The following TENM3 variants were observed in gnomAD, a reference collection of about 807,000 sequenced individuals.
TENM3 encodes teneurin-3.
Under a neutral mutation model 255.1 loss-of-function variants are expected in TENM3, and 63 were observed. That is an observed-to-expected ratio of 0.25 (90% CI 0.20 to 0.30). The LOEUF (loss-of-function observed/expected upper bound fraction) is 0.30. TENM3 is among the 10% of genes least tolerant of loss of function. The pLI is 1.00. For missense variants in TENM3, 2,929 were observed against 3,461.1 expected (o/e 0.85, Z 3.86); for synonymous variants, 1,306 against 1,322.3 (o/e 0.99, Z 0.27).
At chr4:182,247,767 G>T (rs1171072857) in intron 1 of TENM3, among the ~76,000 whole-genome samples, 1 of 152,140 alleles carries the variant, frequency 6.6e-6, no homozygotes, top group African/African-American at 2.4e-5. Context: ...ATAATTCTGT[G>T]ATATGAGTAA....
At chr4:182,422,331 A>G (rs1770897450) in intron 3 of TENM3, among the ~76,000 whole-genome samples, 1 of 152,214 alleles carries the variant, frequency 6.6e-6, no homozygotes, top group African/African-American at 2.4e-5. Flanking sequence ...AAGCAAACAC[A>G]TTAGCTCGGT....
chr4:181,650,108 A>G, the TENM3 span, among the ~76,000 whole-genome samples: 3 of 152,178 alleles, frequency 2.0e-5, no homozygotes, highest in African/African-American at 7.2e-5. Context: ...GGAAAGGAAC[A>G]CCTGTCACTC....
the TENM3 span, among the ~76,000 whole-genome samples, chr4:182,086,903 G>A: frequency 6.6e-6 from 1 of 152,176 alleles, no homozygotes; most frequent in African/African-American, 2.4e-5. Context: ...ATCGCTCACT[G>A]AGTATTTTTT....
intron 3 of TENM3, among the ~76,000 whole-genome samples, chr4:182,389,878 G>T (rs1038725915): frequency 1.3e-5 from 2 of 151,942 alleles, no homozygotes; most frequent in African/African-American, 4.8e-5. Context: ...GTAGAGACAG[G>T]GTTTCACCAT....
chr4:182,686,817 G>T (rs1756613127), intron 11 of TENM3, among the ~76,000 whole-genome samples: 1 of 152,098 alleles, frequency 6.6e-6, no homozygotes, highest in African/African-American at 2.4e-5. Context: ...AATAAAAAGG[G>T]TACCTCAGAA....
chr4:181,529,466 G>T, the TENM3 span, among the ~76,000 whole-genome samples: 1 of 152,310 alleles, frequency 6.6e-6, no homozygotes, highest in African/African-American at 2.4e-5. Context: ...AAGGGAAATA[G>T]ATGTGGGTAA....
At chr4:182,435,061 G>A (rs1342455734) in intron 3 of TENM3, among the ~76,000 whole-genome samples, 1 of 152,196 alleles carries the variant, frequency 6.6e-6, no homozygotes, top group Non-Finnish European at 1.5e-5. Flanking sequence ...ATCCCAAGAA[G>A]AATCTGATGC....
chr4:181,992,913 TCCATACTTCTA>T, the TENM3 span, among the ~76,000 whole-genome samples: 2 of 152,124 alleles, frequency 1.3e-5, no homozygotes, highest in Non-Finnish European at 2.9e-5. Context: ...GCTCTACAAT[TCCATACTTCTA>T]CCATGAAGCT....
intron 3 of TENM3, among the ~76,000 whole-genome samples, chr4:182,361,446 C>T (rs1029353734): frequency 2.0e-5 from 3 of 152,050 alleles, no homozygotes; most frequent in Admixed American, 6.5e-5. Context: ...TCTAAACTTC[C>T]CTTCTTGCTT....
At chr4:182,185,112 T>C (rs1206221288) in intron 1 of TENM3, among the ~76,000 whole-genome samples, 1 of 152,122 alleles carries the variant, frequency 6.6e-6, no homozygotes, top group Non-Finnish European at 1.5e-5. Context: ...TTCAGACTTT[T>C]GGAAGGAGGA....
the TENM3 span, among the ~76,000 whole-genome samples, chr4:181,594,518 C>A: frequency 6.6e-6 from 1 of 152,236 alleles, no homozygotes; most frequent in South Asian, 2.1e-4. Flanking sequence ...CATTGGTCAC[C>A]CATTCCAAGA....
the TENM3 span, among the ~76,000 whole-genome samples, chr4:181,561,998 G>T: frequency 6.6e-6 from 1 of 152,106 alleles, no homozygotes; most frequent in African/African-American, 2.4e-5. Flanking sequence ...TTCATATCAG[G>T]TTTTAATTTT....
the TENM3 span, among the ~76,000 whole-genome samples, chr4:181,864,568 G>A: frequency 1.3e-5 from 2 of 152,128 alleles, no homozygotes; most frequent in Non-Finnish European, 2.9e-5. Flanking sequence ...GTTAGACCAC[G>A]AACTGGGAAA....
chr4:181,782,785 G>T, the TENM3 span, among the ~76,000 whole-genome samples: 27 of 152,262 alleles, frequency 1.8e-4, no homozygotes, highest in Middle Eastern at 3.4e-3. Flanking sequence ...TCAACACACT[G>T]CTTTAAATGT....
the TENM3 span, among the ~76,000 whole-genome samples, chr4:182,070,489 C>T: frequency 5.9e-5 from 9 of 152,048 alleles, no homozygotes; most frequent in African/African-American, 1.7e-4. Context: ...TAGCGGCACA[C>T]GCCTATAATC....
chr4:182,704,664 T>TG (rs1758135559), intron 12 of TENM3, among the ~76,000 whole-genome samples: 1 of 152,178 alleles, frequency 6.6e-6, no homozygotes, highest in Non-Finnish European at 1.5e-5. Context: ...AATGTAGTTA[T>TG]TCAGATAATT....
rs1477672676 is a variant in TENM3 at position 182,346,064 on chromosome 4, CATAT to C, written c.233-583_233-580del. 7.4e-5 allele frequency among the ~76,000 whole-genome samples: 10 copies of C among 135,344 alleles called. 1 individual carries two copies. Among genetic ancestry groups the C allele is most frequent in the Admixed American group, 5.9e-4 (8 of 13,660 alleles). The allele number at this position is 135,344 out of a possible 152,430, so 88.8% of individuals were successfully genotyped here. On this transcript the variant is annotated intron_variant, in intron 2 of 27. Transcript: ENST00000511685. ...TATATACACCCACCCCACACACACA[CATAT>C]ATACATACATACATACATACATACA...
chr4:182,785,577 G>A (rs1027697053), intron 24 of TENM3, among the ~76,000 whole-genome samples: 2 of 151,114 alleles, frequency 1.3e-5, no homozygotes, highest in Non-Finnish European at 3.0e-5. Context: ...GCGTGGTGGC[G>A]CACGCCTCTC....
chr4:181,900,619 C>A, the TENM3 span, among the ~76,000 whole-genome samples: 1 of 152,162 alleles, frequency 6.6e-6, no homozygotes, highest in Non-Finnish European at 1.5e-5. Context: ...CTCCAAGCCC[C>A]TTGAGTCCTC....
Sources: gnomAD v4.1 joint callset for allele counts (sites outside exome capture counted in the v4.1 genomes callset) on GRCh38, gnomAD v4.1.1 for gene constraint, MANE v1.5 for transcripts, NCBI Gene and HGNC (gene_info 2026-07-23, HGNC 2026-07-21) for gene names.